NCAM2: variants seen among roughly 807,000 people sequenced by gnomAD.
NCAM2 encodes neural cell adhesion molecule 2.
In NCAM2, 30 loss-of-function variants were observed where a neutral mutation model predicts 98.1. The observed-to-expected ratio is 0.31, with a 90% confidence interval of 0.23 to 0.41. The LOEUF (loss-of-function observed/expected upper bound fraction) is 0.41, where lower values mean the gene tolerates loss of function less well. NCAM2 is among the 10% of genes least tolerant of loss of function. The pLI, the probability that NCAM2 is intolerant of heterozygous loss-of-function variation, is 1.00. For missense variants in NCAM2, 867 were observed against 1,005.8 expected (o/e 0.86, Z 1.87); for synonymous variants, 368 against 342.4 (o/e 1.07, Z -0.83).
chr21:21,161,187 T>C (rs1448241883), intron 1 of NCAM2, among the ~76,000 whole-genome samples: 3 of 151,748 alleles, frequency 2.0e-5, no homozygotes, highest in African/African-American at 7.3e-5. Flanking sequence ...TGCGAATAGA[T>C]AGGAAAAAGA....
chr21:21,105,050 A>C (rs1400909703), intron 1 of NCAM2, among the ~76,000 whole-genome samples: 1 of 152,136 alleles, frequency 6.6e-6, no homozygotes, highest in Non-Finnish European at 1.5e-5. Flanking sequence ...CAAGTTCATT[A>C]ACCATCCTGA....
chr21:21,304,437 T>C (rs899145535), intron 5 of NCAM2, among the ~76,000 whole-genome samples: 1 of 152,026 alleles, frequency 6.6e-6, no homozygotes, highest in Non-Finnish European at 1.5e-5. Flanking sequence ...AATATATGTG[T>C]TTTAGGGAAT....
Position 21,425,897 on chromosome 21 carries a change from A to G in NCAM2, c.1481-6211A>G, listed in dbSNP as rs232391. Among the ~76,000 whole-genome samples, 1,157 of 152,282 alleles carry G rather than the reference A, an allele frequency of 7.6e-3. 15 individuals carry two copies. The highest frequency in any genetic ancestry group is 0.026 in the African/African-American group (1,077 of 41,562). ...TCTGGATGCTATAGCAAAATATATT[A>G]GACTCTGTAATGTATTACCAACATA... On this transcript the variant is annotated intron_variant, in intron 11 of 17. Transcript: ENST00000400546.
At chr21:21,521,566 T>G (rs1338220460) in intron 16 of NCAM2, among the ~76,000 whole-genome samples, 1 of 152,066 alleles carries the variant, frequency 6.6e-6, no homozygotes, top group Admixed American at 6.6e-5. Context: ...AGATGTGCAA[T>G]GTATGCAAGC....
chr21:21,246,956 T>C (rs2071293713), intron 1 of NCAM2, among the ~76,000 whole-genome samples: 1 of 152,126 alleles, frequency 6.6e-6, no homozygotes, highest in Non-Finnish European at 1.5e-5. Flanking sequence ...ATAATAGCAT[T>C]TAACCTACTG....
At chr21:21,277,262 T>G (rs2072762336) in intron 1 of NCAM2, among the ~76,000 whole-genome samples, 1 of 152,106 alleles carries the variant, frequency 6.6e-6, no homozygotes, top group South Asian at 2.1e-4. Flanking sequence ...ATTATTAGTT[T>G]GGGAGAAATA....
At chr21:21,427,993 G>A (rs922307428) in intron 11 of NCAM2, among the ~76,000 whole-genome samples, 2 of 152,290 alleles carry the variant, frequency 1.3e-5, no homozygotes, top group Admixed American at 6.5e-5. Flanking sequence ...ATTTGAGAGA[G>A]AAAACTACTG....
At chr21:21,202,529 G>T (rs993502688) in intron 1 of NCAM2, among the ~76,000 whole-genome samples, 11 of 142,920 alleles carry the variant, frequency 7.7e-5, no homozygotes, top group African/African-American at 2.3e-4. Flanking sequence ...CGGTTCTCCT[G>T]CCTCAGCCTC....
At chr21:21,455,318 A>G (rs1429465980) in intron 12 of NCAM2, among the ~76,000 whole-genome samples, 1 of 150,552 alleles carries the variant, frequency 6.6e-6, no homozygotes, top group East Asian at 1.9e-4. Context: ...CATCGTTTTT[A>G]CATTTATACC....
intron 8 of NCAM2, among the ~76,000 whole-genome samples, chr21:21,344,355 G>A (rs2147905479): frequency 6.6e-6 from 1 of 152,240 alleles, no homozygotes; most frequent in African/African-American, 2.4e-5. Flanking sequence ...TGCCAATCCA[G>A]GACCTTACTC....
intron 1 of NCAM2, among the ~76,000 whole-genome samples, chr21:21,113,299 A>T (rs1299515099): frequency 6.6e-6 from 1 of 152,188 alleles, no homozygotes; most frequent in Non-Finnish European, 1.5e-5. Context: ...TGTTTTAGTA[A>T]TCATTTTATT....
intron 1 of NCAM2, among the ~76,000 whole-genome samples, chr21:21,152,504 TA>T (rs1328533651): frequency 6.6e-6 from 1 of 151,988 alleles, no homozygotes; most frequent in African/African-American, 2.4e-5. Context: ...TATTTTCCTT[TA>T]AAGCAGATTG....
Position 21,509,043 on chromosome 21 carries a change from A to G in NCAM2, c.2270A>G (p.Lys757Arg), listed in dbSNP as rs754716830. 1 of 1,613,428 alleles carries G rather than the reference A, an allele frequency of 6.2e-7. No homozygotes were observed. The highest frequency in any genetic ancestry group is 1.1e-5 in the South Asian group (1 of 91,058). ...AAAAGTAAAGAACTCGAAGAAGGAA[A>G]AGCTGCATACCTGTGAGTATCAGGC... is the stretch of plus-strand genomic sequence containing the variant. ...SGKSKELEEG[K>R]AAYLKDGSKE... is the part of the protein sequence containing the mutation. Residue 757 changes from lysine to arginine, a missense_variant, in exon 16 of 18, where the codon AAA (lysine) becomes AGA (arginine). Lys to Arg is a conservative substitution (Grantham distance 26, BLOSUM62 2). Transcript: ENST00000400546.
At chr21:21,418,958 C>G (rs2145959335) in intron 11 of NCAM2, among the ~76,000 whole-genome samples, 1 of 152,232 alleles carries the variant, frequency 6.6e-6, no homozygotes, top group Middle Eastern at 3.4e-3. Context: ...TATATATTGT[C>G]TGCTTATATT....
intron 3 of NCAM2, among the ~76,000 whole-genome samples, chr21:21,285,050 G>A (rs2073054151): frequency 6.6e-6 from 1 of 151,552 alleles, no homozygotes. Flanking sequence ...AATTACTTTC[G>A]TGACCTTGAG....
chr21:21,526,930 A>T (rs11911537), intron 16 of NCAM2, among the ~76,000 whole-genome samples: 7,674 of 152,200 alleles, frequency 0.05, 661 homozygotes, highest in African/African-American at 0.17. Context: ...CATAAGAAAA[A>T]ATATATCTAG....
chr21:21,441,962 A>G (rs755356041), intron 12 of NCAM2, among the ~76,000 whole-genome samples: 5 of 152,174 alleles, frequency 3.3e-5, no homozygotes, highest in Non-Finnish European at 5.9e-5. Flanking sequence ...GACTGTTAGA[A>G]GTGCAGACTC....
chr21:21,324,518 C>T lies in NCAM2; in HGVS notation c.737+18C>T, dbSNP rs2074461462. On this transcript the variant is annotated intron_variant, in intron 6 of 17. Transcript: ENST00000400546. The stretch of plus-strand genomic sequence containing the variant: ...TGGTTCAGGTAGGTTATGCACCCCC[C>T]TCCCTCTGGCTTGTGTCCATTATCA... The T allele has an allele frequency of 6.7e-7, 1 of 1,487,958 alleles. No individual in the cohort carries two copies. Among genetic ancestry groups the T allele is most frequent in the Non-Finnish European group, 9.4e-7 (1 of 1,068,482 alleles). The allele number at this position is 1,487,958 out of a possible 1,614,324, so 92.2% of individuals were successfully genotyped here.
chr21:21,428,063 A>C (rs1363798998), intron 11 of NCAM2, among the ~76,000 whole-genome samples: 1 of 152,246 alleles, frequency 6.6e-6, no homozygotes, highest in Non-Finnish European at 1.5e-5. Context: ...TCTTGAATCC[A>C]TGGACTCTCA....
Sources: allele counts gnomAD v4.1 joint callset (sites outside exome capture counted in the v4.1 genomes callset), GRCh38; gene constraint gnomAD v4.1.1; transcripts MANE v1.5; gene names NCBI Gene and HGNC (gene_info 2026-07-23, HGNC 2026-07-21).